SPATA13: variants seen among roughly 807,000 people sequenced by gnomAD.
SPATA13 encodes spermatogenesis associated 13, also known as spermatogenesis-associated protein 13.
In SPATA13, 50 loss-of-function variants were observed where a neutral mutation model predicts 104.0. That is an observed-to-expected ratio of 0.48 (90% confidence interval 0.38 to 0.61). SPATA13 has a LOEUF of 0.61. SPATA13 is among the 20% of genes least tolerant of loss of function. SPATA13 has a pLI of 0.00. For missense variants in SPATA13, 1,524 were observed against 1,690.6 expected, an observed-to-expected ratio of 0.90 and a Z score of 1.73; for synonymous variants, 606 against 667.5, an observed-to-expected ratio of 0.91 and a Z score of 1.42.
intron 9 of SPATA13, 48 bp downstream of exon 9, chr13:24,290,932 C>A: frequency 6.8e-7 from 1 of 1,467,554 alleles, no homozygotes; most frequent in Non-Finnish European, 9.4e-7. Flanking sequence ...GCTGCCATTA[C>A]CCGTAGGCAG....
intron 1 of SPATA13, among the ~76,000 whole-genome samples, chr13:24,183,293 A>G (rs1365270699): frequency 6.6e-6 from 1 of 152,342 alleles, no homozygotes; most frequent in East Asian, 1.9e-4. Context: ...TTTCTTGAGG[A>G]TAGACATCAT....
chr13:24,180,976 G>T (rs1287669111), intron 1 of SPATA13, among the ~76,000 whole-genome samples: 1 of 152,170 alleles, frequency 6.6e-6, no homozygotes, highest in Non-Finnish European at 1.5e-5. Flanking sequence ...TTGCTTCTAG[G>T]CTACAATCCT....
chr13:24,160,631 A>C, upstream of SPATA13: 9 of 773,718 alleles, frequency 1.2e-5, no homozygotes, highest in Non-Finnish European at 1.4e-5. Flanking sequence ...GAGTGAGCTA[A>C]CCGGGGGCGT....
At chr13:24,190,066 C>T (rs371816152) in intron 1 of SPATA13, among the ~76,000 whole-genome samples, 133 of 5,570 alleles carry the variant, frequency 0.024, 64 homozygotes, top group Non-Finnish European at 0.22. Context: ...TAATGATATA[C>T]TATATATATT....
intron 3 of SPATA13, among the ~76,000 whole-genome samples, chr13:24,022,684 G>A (rs1024085200): frequency 6.6e-6 from 1 of 152,164 alleles, no homozygotes; most frequent in African/African-American, 2.4e-5. Flanking sequence ...CCATCTACAG[G>A]AAGTGGAATG....
intron 12 of SPATA13, among the ~76,000 whole-genome samples, chr13:24,302,273 C>T (rs528579497): frequency 4.0e-5 from 6 of 151,856 alleles, no homozygotes; most frequent in East Asian, 3.9e-4. Flanking sequence ...TTTTGGTTAA[C>T]GTGAATTAAG....
intron 3 of SPATA13, among the ~76,000 whole-genome samples, chr13:24,037,973 A>G (rs1291795934): frequency 2.0e-5 from 3 of 151,742 alleles, no homozygotes; most frequent in East Asian, 1.9e-4. Flanking sequence ...TTGCAGTGGC[A>G]CAATCTTGGC....
chr13:24,263,184 T>C (rs1026194189), intron 4 of SPATA13, among the ~76,000 whole-genome samples: 1 of 152,234 alleles, frequency 6.6e-6, no homozygotes, highest in Non-Finnish European at 1.5e-5. Flanking sequence ...TTTTGAATTA[T>C]CTCTTGCTGC....
intron 3 of SPATA13, among the ~76,000 whole-genome samples, chr13:24,090,872 GA>G (rs1445051204): frequency 2.6e-5 from 4 of 152,124 alleles, no homozygotes; most frequent in African/African-American, 9.7e-5. Context: ...ATCTTCTGTT[GA>G]AAACTGGATG....
At chr13:23,991,228 A>G (rs2137659299) in intron 2 of SPATA13, among the ~76,000 whole-genome samples, 1 of 152,318 alleles carries the variant, frequency 6.6e-6, no homozygotes, top group East Asian at 1.9e-4. Flanking sequence ...CAGCCCGTCT[A>G]AGAACCTGTG....
At position 24,106,578 on chromosome 13, in the gene SPATA13, C is replaced by T. The variant is rs74479286; in HGVS notation, c.-112+88877C>T. ...AGCAGTGGGTCACCAGCCACATGTA[C>T]AGAACAGCACTCGCTTTGTGTCTCA... On this transcript the variant is annotated intron_variant, in intron 3 of 14. Coordinates refer to the SPATA13 transcript ENST00000424834. 8.9e-3 allele frequency among the ~76,000 whole-genome samples: 1,352 copies of T among 152,278 alleles called. 18 individuals carry two copies. The highest frequency in any genetic ancestry group is 0.031 in the African/African-American group (1,289 of 41,548).
At chr13:24,116,430 GGCCTGGACAGCA>G (rs969045910) in intron 3 of SPATA13, among the ~76,000 whole-genome samples, 8 of 152,192 alleles carry the variant, frequency 5.3e-5, no homozygotes, top group Non-Finnish European at 1.0e-4. Context: ...AGATCTGAAA[GGCCTGGACAGCA>G]GCAGGTGGGG....
In SPATA13 at chr13:24,224,006, C is replaced by A; in HGVS notation, c.1077C>A (p.Asp359Glu). The change falls in exon 2 of 13, where the codon GAC becomes GAA. Residue 359 changes from aspartate (D) to glutamate (E), a missense_variant. This residue lies in a region of SPATA13 where 1,089 missense variants were observed against 1,135.9 expected (regional missense o/e 0.96). Coordinates refer to ENST00000382108, the MANE Select transcript of SPATA13 (RefSeq NM_001166271.3). ...TTCAGGCACACAGCCGGCTGCATGACGACTACTCCCGCCGCGTCTCCAGGA... is the reference window on the plus strand; with the variant it reads ...TTCAGGCACACAGCCGGCTGCATGAAGACTACTCCCGCCGCGTCTCCAGGA... ...LRLQAHSRLH[D>E]DYSRRVSRST... The A allele has an allele frequency of 1.3e-6, 2 of 1,548,344 alleles. No homozygotes were observed. The highest frequency in any genetic ancestry group is 1.7e-6 in the Non-Finnish European group (2 of 1,145,186).
chr13:24,223,502 T>C lies in SPATA13; in HGVS notation c.573T>C (p.Asp191=), dbSNP rs1871728535. The change falls in exon 2 of 13, where the codon GAT becomes GAC. Residue 191 remains aspartate, a synonymous_variant. Coordinates refer to ENST00000382108, the MANE Select transcript of SPATA13 (RefSeq NM_001166271.3). ...GCTCCGACCTCGAGGACACGGACGA[T>C]GCCTTCCAGCGGAGCACACACCGCT... ...LDGSDLEDTD[D]AFQRSTHRSR... is the part of the protein sequence containing the mutation. The C allele has an allele frequency of 1.3e-6, 2 of 1,548,528 alleles. No individual in the cohort carries two copies. Among genetic ancestry groups the C allele is most frequent in the Non-Finnish European group, 1.7e-6 (2 of 1,146,982 alleles).
At chr13:24,131,783 G>A (rs1881395430) in intron 3 of SPATA13, among the ~76,000 whole-genome samples, 1 of 152,132 alleles carries the variant, frequency 6.6e-6, no homozygotes, top group Admixed American at 6.5e-5. Context: ...AACACTTTTG[G>A]GGTGGCAACT....
At chr13:24,008,026 T>C (rs1428236789) in intron 2 of SPATA13, among the ~76,000 whole-genome samples, 2 of 152,004 alleles carry the variant, frequency 1.3e-5, no homozygotes, top group Admixed American at 6.5e-5. Context: ...GGCTGCAAAG[T>C]GTGTGAATGA....
chr13:24,223,106 C>T lies in SPATA13; in HGVS notation c.177C>T (p.Asp59=), dbSNP rs1490136748. Reference sequence around the variant, plus strand: ...TCTGTGGCTGCAGCCCTGGTGGCGACACGGACACCCAGGAAGCCAAACTCA... The same window carrying T: ...TCTGTGGCTGCAGCCCTGGTGGCGATACGGACACCCAGGAAGCCAAACTCA... ...NGVCGCSPGG[D]TDTQEAKLSP... Residue 59 remains aspartate, a synonymous_variant, in exon 2 of 13, where the codon GAC becomes GAT. Transcript: ENST00000382108. The T allele has an allele frequency of 2.6e-6, 4 of 1,551,726 alleles. No individual in the cohort carries two copies. In the Admixed American group the frequency reaches 5.9e-5, roughly 23 times the overall value.
chr13:24,282,004 C>T (rs1875563186), intron 4 of SPATA13, among the ~76,000 whole-genome samples: 1 of 152,132 alleles, frequency 6.6e-6, no homozygotes, highest in South Asian at 2.1e-4. Context: ...TGTTGATTAC[C>T]CCCATTATTG....
At chr13:24,189,526 G>A (rs1199973715) in intron 1 of SPATA13, among the ~76,000 whole-genome samples, 1 of 133,596 alleles carries the variant, frequency 7.5e-6, no homozygotes, top group African/African-American at 2.8e-5. Context: ...ATTTAATATT[G>A]CATACATATT....
Sources: gnomAD v4.1 joint callset for allele counts (sites outside exome capture counted in the v4.1 genomes callset) on GRCh38, gnomAD v4.1.1 for gene constraint, gnomAD v4.1.1 regional missense constraint, MANE v1.5 for transcripts, NCBI Gene and HGNC (gene_info 2026-07-23, HGNC 2026-07-21) for gene names.